Variants in KIF5C observed in about 807,000 individuals in gnomAD.
The protein encoded by KIF5C is kinesin heavy chain isoform 5C.
A neutral mutation model predicts 125.2 loss-of-function variants in KIF5C; 18 were observed. The ratio of observed to expected loss-of-function variants is 0.14; its 90% CI spans 0.10 to 0.21. KIF5C has a LOEUF of 0.21. Ranked by LOEUF, KIF5C falls within the 10% of genes least tolerant of loss-of-function variation. The pLI, the probability that KIF5C is intolerant of heterozygous loss-of-function variation, is 1.00. For missense variants in KIF5C, 780 were observed against 1,183.8 expected (o/e 0.66, Z 5.01); for synonymous variants, 405 against 434.0 (o/e 0.93, Z 0.83).
chr2:148,944,345 A>G (rs1471835250), intron 7 of KIF5C, among the ~76,000 whole-genome samples: 1 of 152,094 alleles, frequency 6.6e-6, no homozygotes, highest in Non-Finnish European at 1.5e-5. Flanking sequence ...TGCTCAACCT[A>G]CTTTATCTCT....
chr2:148,895,866 ACACACACACC>A (rs1317653124), intron 1 of KIF5C, among the ~76,000 whole-genome samples: 1,830 of 49,726 alleles, frequency 0.037, 33 homozygotes, highest in African/African-American at 0.086. Flanking sequence ...ACACACACAC[ACACACACACC>A]CACAGAGATC....
At chr2:148,917,332 G>A (rs187487437) in intron 1 of KIF5C, among the ~76,000 whole-genome samples, 90 of 152,234 alleles carry the variant, frequency 5.9e-4, no homozygotes, top group African/African-American at 2.1e-3. Flanking sequence ...ATGTGTTATT[G>A]CGGATGTCTC....
At position 148,924,649 on chromosome 2, in the gene KIF5C, T is replaced by G. The variant is rs1306801212; in HGVS notation, c.217+2422T>G. On this transcript the variant is annotated intron_variant, in intron 2 of 25. Transcript: ENST00000435030. The surrounding 1 kb of genome is among the most constrained non-coding windows in gnomAD (Gnocchi z 4.0). ...GTAGGGTTTCTGACTACCAGCACAG[T>G]AAATGGGAAGGCTCCTTTGGACGCC... Among the ~76,000 whole-genome samples, 1 of 152,192 alleles carries G rather than the reference T, an allele frequency of 6.6e-6. No individual in the cohort carries two copies. The highest frequency in any genetic ancestry group is 2.4e-5 in the African/African-American group (1 of 41,450).
At position 148,876,389 on chromosome 2, in the gene KIF5C, C is replaced by T. The variant is rs1392464136; in HGVS notation, c.126+646C>T. On this transcript the variant is annotated intron_variant, in intron 1 of 25. Coordinates refer to ENST00000435030, the MANE Select transcript of KIF5C (RefSeq NM_004522.3). The surrounding 1 kb of genome is among the most constrained non-coding windows in gnomAD (Gnocchi z 4.7). ...GTCTCCCGCTTCCTCTCACGCCTGG[C>T]TGCCCTGGATGTGGAGTCCCGGCTT... is the stretch of plus-strand genomic sequence containing the variant. 6.6e-6 allele frequency among the ~76,000 whole-genome samples: 1 copy of T among 152,172 alleles called. No homozygotes were observed. The highest frequency in any genetic ancestry group is 1.9e-4 in the East Asian group (1 of 5,158).
chr2:149,022,249 T>C (rs998220488), intron 25 of KIF5C, among the ~76,000 whole-genome samples: 1 of 152,292 alleles, frequency 6.6e-6, no homozygotes, highest in Non-Finnish European at 1.5e-5. Context: ...AAATGCATTA[T>C]GTTACTCTGA....
intron 13 of KIF5C, 140 bp from the exon 14 acceptor site, chr2:148,981,215 A>G: frequency 1.6e-6 from 2 of 1,247,108 alleles, no homozygotes; most frequent in Non-Finnish European, 2.2e-6. Context: ...TGGACCATAC[A>G]GTGGGGTTTC....
At chr2:148,909,080 C>T (rs1574721723) in intron 1 of KIF5C, among the ~76,000 whole-genome samples, 1 of 152,358 alleles carries the variant, frequency 6.6e-6, no homozygotes, top group Non-Finnish European at 1.5e-5. Context: ...GCAGCCAAAA[C>T]AGAAACCAGA....
At chr2:149,009,984 A>G in intron 23 of KIF5C, 151 bp from the exon 24 acceptor site, 1 of 1,296,248 alleles carries the variant, frequency 7.7e-7, no homozygotes, top group East Asian at 2.6e-5. Flanking sequence ...CCACAGTCTG[A>G]GTTTTCCTTT....
chr2:148,905,673 G>A (rs1681076248), intron 1 of KIF5C, among the ~76,000 whole-genome samples: 1 of 152,156 alleles, frequency 6.6e-6, no homozygotes, highest in South Asian at 2.1e-4. Context: ...AGCTAATGGA[G>A]GAAGCCTACG....
intron 19 of KIF5C, chr2:149,000,129 A>C: frequency 3.5e-6 from 1 of 289,410 alleles, no homozygotes; most frequent in Non-Finnish European, 6.3e-6. Context: ...CTCTGTTTTA[A>C]AATATCAGCC....
At chr2:148,990,666 A>T (rs1178066224) in intron 15 of KIF5C, among the ~76,000 whole-genome samples, 2 of 152,318 alleles carry the variant, frequency 1.3e-5, no homozygotes, top group East Asian at 3.9e-4. Flanking sequence ...TGTTACAGAG[A>T]TGTAAGGTGT....
At chr2:148,989,369 C>CACACA in intron 15 of KIF5C, among the ~76,000 whole-genome samples, 2 of 149,340 alleles carry the variant, frequency 1.3e-5, no homozygotes, top group Non-Finnish European at 3.0e-5. Context: ...CACACACACA[C>CACACA]CACATTTTCT....
intron 16 of KIF5C, 95 bp from the exon 17 acceptor site, chr2:148,994,326 A>C: frequency 2.0e-6 from 3 of 1,470,646 alleles, no homozygotes; most frequent in Non-Finnish European, 2.7e-6. Flanking sequence ...GGACTCAGGA[A>C]CCCCTCCTCT....
chr2:148,994,504 G>T lies in KIF5C; in HGVS notation c.1989G>T (p.Ser663=), dbSNP rs778459634. The T allele has an allele frequency of 6.4e-7, 1 of 1,569,942 alleles. No homozygotes were observed. The highest frequency in any genetic ancestry group is 1.7e-4 in the Middle Eastern group (1 of 6,010). The change falls in exon 17 of 26, where the codon TCG becomes TCT. Residue 663 remains serine, a synonymous_variant. Transcript: ENST00000435030. ...KRRQLEESQD[S]LSEELAKLRA... Reference sequence around the variant, plus strand: ...GGCAGCTAGAAGAGTCCCAGGACTCGCTCAGCGAAGAGCTGGCAAAGCTCC... The same window carrying T: ...GGCAGCTAGAAGAGTCCCAGGACTCTCTCAGCGAAGAGCTGGCAAAGCTCC...
chr2:148,894,703 A>T (rs545844361), intron 1 of KIF5C, among the ~76,000 whole-genome samples: 46 of 147,518 alleles, frequency 3.1e-4, no homozygotes, highest in South Asian at 1.9e-3. Context: ...AGTTTAGTAC[A>T]ATATATATAT....
chr2:148,943,362 A>T (rs1682450159), intron 7 of KIF5C, among the ~76,000 whole-genome samples: 1 of 152,160 alleles, frequency 6.6e-6, no homozygotes, highest in South Asian at 2.1e-4. Context: ...AGCAGTGCAT[A>T]TGGGATTTGG....
chr2:149,002,714 G>A (rs530765108), intron 21 of KIF5C, among the ~76,000 whole-genome samples: 20 of 152,046 alleles, frequency 1.3e-4, no homozygotes, highest in East Asian at 7.8e-4. Context: ...TCACACGCAC[G>A]CAGGCGCATT....
intron 21 of KIF5C, among the ~76,000 whole-genome samples, chr2:149,004,941 T>C (rs1044993807): frequency 6.6e-6 from 1 of 152,136 alleles, no homozygotes; most frequent in Non-Finnish European, 1.5e-5. Context: ...GAAGCAGGTG[T>C]GGAGACAGGA....
intron 15 of KIF5C, among the ~76,000 whole-genome samples, chr2:148,988,168 T>A (rs1032476630): frequency 6.6e-5 from 10 of 151,178 alleles, no homozygotes; most frequent in East Asian, 1.9e-4. Flanking sequence ...TTTTTTTTTT[T>A]AAATAACAGT....
Sources: gnomAD v4.1 joint callset for allele counts (sites outside exome capture counted in the v4.1 genomes callset) on GRCh38, gnomAD v4.1.1 for gene constraint, Gnocchi (gnomAD v3.1) non-coding constraint, MANE v1.5 for transcripts, NCBI Gene and HGNC (gene_info 2026-07-23, HGNC 2026-07-21) for gene names.